Variants in SPSB4 observed in about 807,000 individuals in gnomAD.
SPSB4 encodes SPRY domain-containing SOCS box protein 4.
In SPSB4, 21 loss-of-function variants were observed where a neutral mutation model predicts 20.9. The ratio of observed to expected loss-of-function variants is 1.01; its 90% CI spans 0.71 to 1.45. The LOEUF is 1.45. Among genes scored for constraint, SPSB4 ranks in the 40% most tolerant of loss-of-function variants. SPSB4 has a pLI of 0.00. For synonymous variants in SPSB4, 207 were observed against 183.8 expected (o/e 1.13, Z -1.02); for missense variants, 399 against 399.2 (o/e 1.00, Z 0.00).
chr3:141,145,803 C>A (rs1253785092), intron 2 of SPSB4, among the ~76,000 whole-genome samples: 1 of 152,072 alleles, frequency 6.6e-6, no homozygotes, highest in Non-Finnish European at 1.5e-5. Flanking sequence ...CAGCACTGTT[C>A]CTCTCCCCAC....
chr3:141,130,544 C>G (rs919533985), intron 2 of SPSB4, among the ~76,000 whole-genome samples: 1 of 152,200 alleles, frequency 6.6e-6, no homozygotes, highest in East Asian at 1.9e-4. Context: ...ATCTGCCGAC[C>G]ATTGTCTAAA....
chr3:141,059,317 A>G (rs954537838), intron 1 of SPSB4, among the ~76,000 whole-genome samples: 1 of 152,204 alleles, frequency 6.6e-6, no homozygotes, highest in Non-Finnish European at 1.5e-5. Flanking sequence ...ATAAAGAAAT[A>G]CCTAAGACTG....
intron 2 of SPSB4, among the ~76,000 whole-genome samples, chr3:141,126,800 G>A (rs921698358): frequency 1.3e-5 from 2 of 152,182 alleles, no homozygotes; most frequent in African/African-American, 2.4e-5. Flanking sequence ...AGCCCACTCC[G>A]ACCCCTTCCA....
intron 2 of SPSB4, among the ~76,000 whole-genome samples, chr3:141,131,231 G>A (rs1576541395): frequency 6.6e-6 from 1 of 152,106 alleles, no homozygotes; most frequent in Non-Finnish European, 1.5e-5. Flanking sequence ...GGTGTTGGGA[G>A]CAGAAACTAG....
At chr3:141,125,512 GGT>G (rs1358179946) in intron 2 of SPSB4, among the ~76,000 whole-genome samples, 2 of 152,210 alleles carry the variant, frequency 1.3e-5, no homozygotes, top group Non-Finnish European at 2.9e-5. Flanking sequence ...CCTGGACTCA[GGT>G]GTTCTCAGGC....
At chr3:141,086,152 C>T (rs1370347160) in intron 2 of SPSB4, among the ~76,000 whole-genome samples, 2 of 152,222 alleles carry the variant, frequency 1.3e-5, no homozygotes, top group African/African-American at 4.8e-5. Context: ...TTTATTTTCA[C>T]ACCTGGAAAT....
At chr3:141,103,581 C>T (rs756577570) in intron 2 of SPSB4, among the ~76,000 whole-genome samples, 2 of 152,208 alleles carry the variant, frequency 1.3e-5, no homozygotes, top group Non-Finnish European at 2.9e-5. Context: ...ATTTATACCT[C>T]CCTGGTTACC....
At chr3:141,057,267 A>G (rs1029027437) in intron 1 of SPSB4, among the ~76,000 whole-genome samples, 2 of 152,204 alleles carry the variant, frequency 1.3e-5, no homozygotes, top group Non-Finnish European at 2.9e-5. Context: ...TTCATTCTGA[A>G]TGAGCATCTT....
chr3:141,121,702 A>G (rs1938969589), intron 2 of SPSB4, among the ~76,000 whole-genome samples: 1 of 151,958 alleles, frequency 6.6e-6, no homozygotes, highest in South Asian at 2.1e-4. Flanking sequence ...ACTTGATTGA[A>G]TCGGTTATTG....
At chr3:141,075,646 CT>C (rs1938090935) in intron 2 of SPSB4, among the ~76,000 whole-genome samples, 1 of 152,108 alleles carries the variant, frequency 6.6e-6, no homozygotes, top group Admixed American at 6.6e-5. Flanking sequence ...CTGGATGATG[CT>C]GATGAAGATG....
chr3:141,051,548 C>G lies in SPSB4; in HGVS notation c.-598C>G, dbSNP rs1040559744. The stretch of plus-strand genomic sequence containing the variant: ...GGGCCCGGGCCCCAGCTGCTGCTAC[C>G]GCTGCGTGCGCTCAGGGCGCTGGGG... On this transcript the variant is annotated 5_prime_UTR_variant, in exon 1 of 3. Transcript: ENST00000310546. 6 of 150,266 alleles carry G rather than the reference C, an allele frequency of 4.0e-5. No individual in the cohort carries two copies. Among genetic ancestry groups the G allele is most frequent in the African/African-American group, 1.2e-4 (5 of 40,994 alleles). The allele number at this position is 150,266 out of a possible 1,614,324, so 9.3% of individuals were successfully genotyped here.
chr3:141,084,381 G>T (rs1007884884), intron 2 of SPSB4, among the ~76,000 whole-genome samples: 19 of 152,020 alleles, frequency 1.2e-4, no homozygotes, highest in Admixed American at 2.6e-4. Flanking sequence ...TGGCTGCACT[G>T]GCCTATAAAT....
chr3:141,105,347 C>A (rs896173450), intron 2 of SPSB4, among the ~76,000 whole-genome samples: 7 of 152,170 alleles, frequency 4.6e-5, no homozygotes, highest in African/African-American at 1.7e-4. Flanking sequence ...GTTCCCACAT[C>A]CCCTACAAAG....
intron 2 of SPSB4, among the ~76,000 whole-genome samples, chr3:141,122,054 A>G (rs1167677562): frequency 1.3e-5 from 2 of 151,952 alleles, no homozygotes. Context: ...TTGTGGTTTT[A>G]TCTACGTTTG....
chr3:141,123,649 C>T (rs1409372697), intron 2 of SPSB4, among the ~76,000 whole-genome samples: 1 of 152,236 alleles, frequency 6.6e-6, no homozygotes, highest in Non-Finnish European at 1.5e-5. Flanking sequence ...TTAGCACCAA[C>T]TGTCTCTGCA....
intron 2 of SPSB4, among the ~76,000 whole-genome samples, chr3:141,113,875 C>A (rs189266712): frequency 6.6e-6 from 1 of 152,208 alleles, no homozygotes; most frequent in Admixed American, 6.5e-5. Context: ...GCGGGCAGAT[C>A]GCTTGAGTCC....
intron 2 of SPSB4, among the ~76,000 whole-genome samples, chr3:141,130,142 A>G (rs1460724473): frequency 1.3e-5 from 2 of 152,220 alleles, no homozygotes; most frequent in Admixed American, 6.5e-5. Flanking sequence ...TAGCATTACT[A>G]CAGGTAATGA....
At chr3:141,087,701 G>C (rs960026266) in intron 2 of SPSB4, among the ~76,000 whole-genome samples, 2 of 152,200 alleles carry the variant, frequency 1.3e-5, no homozygotes, top group Non-Finnish European at 2.9e-5. Flanking sequence ...CCAGGGCCCA[G>C]GGCTGCATAC....
chr3:141,114,466 A>G (rs1938854416), intron 2 of SPSB4, among the ~76,000 whole-genome samples: 1 of 152,228 alleles, frequency 6.6e-6, no homozygotes, highest in Non-Finnish European at 1.5e-5. Flanking sequence ...ATATTGTGCT[A>G]GAAGCTTAAT....
Sources: allele counts gnomAD v4.1 joint callset (sites outside exome capture counted in the v4.1 genomes callset), GRCh38; gene constraint gnomAD v4.1.1; transcripts MANE v1.5; gene names NCBI Gene and HGNC (gene_info 2026-07-23, HGNC 2026-07-21).